The following PTPRC variants were observed in gnomAD, a reference collection of about 807,000 sequenced individuals.
The protein encoded by PTPRC is protein tyrosine phosphatase receptor type C, also known as receptor-type tyrosine-protein phosphatase C.
PTPRC carries 44 observed loss-of-function variants against 155.9 expected under a neutral mutation model. That is an observed-to-expected ratio of 0.28 (90% CI 0.22 to 0.36). The LOEUF (loss-of-function observed/expected upper bound fraction) is 0.36, where lower values mean the gene tolerates loss of function less well. PTPRC is among the 10% of genes least tolerant of loss of function. The pLI is 1.00. For synonymous variants in PTPRC, 525 were observed against 533.1 expected, an observed-to-expected ratio of 0.98 and a Z score of 0.21; for missense variants, 1,401 against 1,564.6, an observed-to-expected ratio of 0.90 and a Z score of 1.76.
intron 15 of PTPRC, among the ~76,000 whole-genome samples, chr1:198,723,505 CA>C: frequency 6.6e-6 from 1 of 152,264 alleles, no homozygotes; most frequent in South Asian, 2.1e-4. Context: ...TGTTAAATGT[CA>C]AAAAAGTCCA....
At position 198,699,760 on chromosome 1, in the gene PTPRC, A is replaced by G; in HGVS notation, c.439+56A>G. The G allele has an allele frequency of 4.4e-6, 7 of 1,605,192 alleles. No individual in the cohort carries two copies. In the South Asian group the frequency reaches 6.6e-5, roughly 15 times the overall value. On this transcript the variant is annotated intron_variant, in intron 5 of 32. Coordinates refer to ENST00000442510, the MANE Select transcript of PTPRC (RefSeq NM_002838.5). The stretch of plus-strand genomic sequence containing the variant: ...TGAAAAGTACATGACGACTACCTGT[A>G]TTTAAGAATGGTGTGAGGAAATCTA...
chr1:198,664,550 T>G (rs1322085048), intron 2 of PTPRC, among the ~76,000 whole-genome samples: 2 of 152,234 alleles, frequency 1.3e-5, no homozygotes, highest in African/African-American at 4.8e-5. Context: ...CCATTTTTAA[T>G]AGTCATGTTA....
intron 28 of PTPRC, 47 bp downstream of exon 28, chr1:198,749,596 A>G (rs1483818330): frequency 4.4e-6 from 7 of 1,573,690 alleles, no homozygotes; most frequent in Non-Finnish European, 6.1e-6. Context: ...ATTTTAAAAT[A>G]ATATCTATGT....
intron 2 of PTPRC, among the ~76,000 whole-genome samples, chr1:198,663,016 C>A (rs781664845): frequency 6.6e-6 from 1 of 152,132 alleles, no homozygotes; most frequent in Non-Finnish European, 1.5e-5. Flanking sequence ...GAGCTACTGG[C>A]CAAAGGGGAG....
chr1:198,739,928 T>C (rs531642151), intron 23 of PTPRC, among the ~76,000 whole-genome samples: 1 of 151,912 alleles, frequency 6.6e-6, no homozygotes, highest in African/African-American at 2.4e-5. Flanking sequence ...TTGGAAACTA[T>C]ACAAACTCAT....
rs776904542 is a variant in PTPRC at position 198,716,749 on chromosome 1, G to A, written c.1359G>A (p.Thr453=). 18 of 1,612,838 alleles carry A rather than the reference G, an allele frequency of 1.1e-5. No homozygotes were observed. Among genetic ancestry groups the A allele is most frequent in the East Asian group, 2.2e-5 (1 of 44,796 alleles). Residue 453 remains threonine, a synonymous_variant, in exon 13 of 33, where the codon ACG becomes ACA. Transcript: ENST00000442510. ...ATTTGCAAAATTTAAAACCTTATAC[G>A]AAATATGTTTTATCATTACATGCCT... The part of the protein sequence containing the change: ...KYDLQNLKPY[T]KYVLSLHAYI...
At chr1:198,654,564 G>T (rs1214294188) in intron 2 of PTPRC, among the ~76,000 whole-genome samples, 1 of 151,544 alleles carries the variant, frequency 6.6e-6, no homozygotes, top group Non-Finnish European at 1.5e-5. Flanking sequence ...CAATTAATCT[G>T]CCAAACTCTT....
At chr1:198,676,558 G>C (rs1280848403) in intron 2 of PTPRC, among the ~76,000 whole-genome samples, 1 of 152,116 alleles carries the variant, frequency 6.6e-6, no homozygotes, top group Non-Finnish European at 1.5e-5. Flanking sequence ...CCAGGGGAGG[G>C]GGAGTAGTCA....
chr1:198,685,381 AATAC>A (rs1021445585), intron 2 of PTPRC, among the ~76,000 whole-genome samples: 4 of 151,920 alleles, frequency 2.6e-5, no homozygotes, highest in Non-Finnish European at 5.9e-5. Context: ...AAAGAAAAAA[AATAC>A]ATATATATTA....
chr1:198,755,809 C>A, intron 32 of PTPRC, 97 bp from the exon 33 acceptor site: 1 of 1,310,008 alleles, frequency 7.6e-7, no homozygotes, highest in Non-Finnish European at 1.1e-6. Flanking sequence ...TCCAATACTT[C>A]CACAAATAAA....
chr1:198,705,215 C>G (rs551821418), intron 8 of PTPRC, among the ~76,000 whole-genome samples: 1 of 152,006 alleles, frequency 6.6e-6, no homozygotes, highest in African/African-American at 2.4e-5. Context: ...CTAAGTCTAA[C>G]CACTGGAGTC....
intron 2 of PTPRC, among the ~76,000 whole-genome samples, chr1:198,642,916 CTTT>C (rs1557960201): frequency 1.7e-3 from 246 of 142,680 alleles, no homozygotes; most frequent in Non-Finnish European, 2.9e-3. Flanking sequence ...TCCTTTCTTT[CTTT>C]CTTTCTTTCT....
At chr1:198,659,947 T>C (rs1663849087) in intron 2 of PTPRC, among the ~76,000 whole-genome samples, 1 of 145,520 alleles carries the variant, frequency 6.9e-6, no homozygotes, top group African/African-American at 2.5e-5. Context: ...CAGAAATCAT[T>C]GTCCACGTAT....
intron 2 of PTPRC, among the ~76,000 whole-genome samples, chr1:198,684,670 A>G (rs1184905853): frequency 6.6e-6 from 1 of 151,690 alleles, no homozygotes; most frequent in Non-Finnish European, 1.5e-5. Context: ...TGTTTCTTTA[A>G]AACAAAAAAA....
chr1:198,701,403 C>A (rs1280727984), intron 5 of PTPRC, among the ~76,000 whole-genome samples: 1 of 152,160 alleles, frequency 6.6e-6, no homozygotes, highest in East Asian at 1.9e-4. Context: ...AATCTCACAT[C>A]ATTGAACTGA....
chr1:198,742,534 A>AT (rs1021796622), intron 25 of PTPRC, among the ~76,000 whole-genome samples, 167 bp downstream of exon 25: 1 of 151,872 alleles, frequency 6.6e-6, no homozygotes, highest in Non-Finnish European at 1.5e-5. Flanking sequence ...ACTTAGAAGC[A>AT]TTTTTCATTA....
chr1:198,746,469 G>GAAA (rs551367157), intron 26 of PTPRC, among the ~76,000 whole-genome samples: 2 of 145,330 alleles, frequency 1.4e-5, no homozygotes, highest in African/African-American at 5.0e-5. Context: ...TTGGTGGAAA[G>GAAA]AAAAAAAAAA....
chr1:198,685,598 C>T (rs1665575083), intron 2 of PTPRC, among the ~76,000 whole-genome samples: 1 of 151,434 alleles, frequency 6.6e-6, no homozygotes, highest in South Asian at 2.1e-4. Context: ...GATTTATTGT[C>T]TGTGGACCAT....
In PTPRC at chr1:198,741,989, A is replaced by G. The variant is rs1320599780; in HGVS notation, c.2524A>G (p.Ser842Gly). 1 of 1,612,030 alleles carries G rather than the reference A, an allele frequency of 6.2e-7. No homozygotes were observed. Among genetic ancestry groups the G allele is most frequent in the Non-Finnish European group, 8.5e-7 (1 of 1,178,944 alleles). The change falls in exon 24 of 33, where the codon AGC becomes GGC. Residue 842 changes from serine (S) to glycine (G), a missense_variant. Ser to Gly is a moderately conservative substitution (Grantham distance 56). Coordinates refer to ENST00000442510, the MANE Select transcript of PTPRC (RefSeq NM_002838.5). ...ACTGAGAAGGAGAGTGAATGCCTTC[A>G]GCAATTTCTTCAGTGGTCCCATTGT... is the stretch of plus-strand genomic sequence containing the variant. Reference protein sequence around the residue: ...LKLRRRVNAFSNFFSGPIVVH... With the variant: ...LKLRRRVNAFGNFFSGPIVVH...
Sources: allele counts gnomAD v4.1 joint callset (sites outside exome capture counted in the v4.1 genomes callset), GRCh38; gene constraint gnomAD v4.1.1; transcripts MANE v1.5; gene names NCBI Gene and HGNC (gene_info 2026-07-23, HGNC 2026-07-21).